TRPM3: variants seen among roughly 807,000 people sequenced by gnomAD.
TRPM3 encodes the protein transient receptor potential cation channel subfamily M member 3.
In TRPM3, 77 loss-of-function variants were observed where a neutral mutation model predicts 181.2. The ratio of observed to expected loss-of-function variants is 0.42; its 90% CI spans 0.35 to 0.51. TRPM3 has a LOEUF of 0.51. Ranked by LOEUF, TRPM3 falls within the 20% of genes least tolerant of loss-of-function variation. The pLI, the probability that TRPM3 is intolerant of heterozygous loss-of-function variation, is 0.01. For synonymous variants in TRPM3, 745 were observed against 796.4 expected (o/e 0.94, Z 1.09); for missense variants, 1,759 against 2,196.7 (o/e 0.80, Z 3.98).
At chr9:71,368,659 G>A (rs1054163471) in intron 1 of TRPM3, among the ~76,000 whole-genome samples, 1 of 152,190 alleles carries the variant, frequency 6.6e-6, no homozygotes, top group Non-Finnish European at 1.5e-5. Context: ...CAGCTTTAAT[G>A]ATTTACTAGT....
chr9:71,061,838 C>T (rs1228361938), intron 1 of TRPM3, among the ~76,000 whole-genome samples: 1 of 152,002 alleles, frequency 6.6e-6, no homozygotes, highest in Non-Finnish European at 1.5e-5. Context: ...TGTAATAAAC[C>T]TCAGCCATGA....
At chr9:71,342,693 C>A (rs915485200) in intron 1 of TRPM3, among the ~76,000 whole-genome samples, 1 of 152,050 alleles carries the variant, frequency 6.6e-6, no homozygotes. Flanking sequence ...ACTATAAGAT[C>A]CAGCAACTAT....
At chr9:71,096,168 C>A (rs1043571069) in intron 1 of TRPM3, among the ~76,000 whole-genome samples, 5 of 151,318 alleles carry the variant, frequency 3.3e-5, no homozygotes, top group African/African-American at 1.2e-4. Flanking sequence ...TTAAAATAGA[C>A]CAGTGATCAG....
chr9:71,407,300 G>T (rs1016296587), intron 1 of TRPM3, among the ~76,000 whole-genome samples: 2 of 152,118 alleles, frequency 1.3e-5, no homozygotes, highest in Non-Finnish European at 1.5e-5. Context: ...AAGTACAAGG[G>T]GTTGGGGAAT....
chr9:70,789,136 A>G (rs929725023), intron 6 of TRPM3, among the ~76,000 whole-genome samples: 1 of 152,186 alleles, frequency 6.6e-6, no homozygotes, highest in African/African-American at 2.4e-5. Context: ...AAAAAACTCT[A>G]GCAAGATTCA....
chr9:71,091,978 A>G (rs545997850), intron 1 of TRPM3, among the ~76,000 whole-genome samples: 5 of 152,248 alleles, frequency 3.3e-5, no homozygotes, highest in African/African-American at 1.2e-4. Context: ...TTATCTTTGT[A>G]TCTGTATCAC....
intron 22 of TRPM3, among the ~76,000 whole-genome samples, chr9:70,579,772 T>G (rs1325555238): frequency 6.6e-6 from 1 of 152,212 alleles, no homozygotes; most frequent in Non-Finnish European, 1.5e-5. Flanking sequence ...GGAGGCAAAC[T>G]GGGCATCTGC....
At chr9:70,803,141 G>A (rs2131265627) in intron 6 of TRPM3, among the ~76,000 whole-genome samples, 1 of 150,834 alleles carries the variant, frequency 6.6e-6, no homozygotes, top group Admixed American at 6.6e-5. Context: ...GGGAGCAGAT[G>A]AGATGCGGAA....
At chr9:71,208,978 A>G (rs2079302124) in intron 1 of TRPM3, among the ~76,000 whole-genome samples, 1 of 152,190 alleles carries the variant, frequency 6.6e-6, no homozygotes, top group Non-Finnish European at 1.5e-5. Flanking sequence ...TTTACTTGTG[A>G]TGAACTTAAG....
At chr9:70,972,819 C>A (rs1418549468) in intron 1 of TRPM3, among the ~76,000 whole-genome samples, 1 of 151,990 alleles carries the variant, frequency 6.6e-6, no homozygotes, top group Non-Finnish European at 1.5e-5. Context: ...GGTTAGTGCC[C>A]ACTTTGATCC....
intron 1 of TRPM3, among the ~76,000 whole-genome samples, chr9:71,326,081 C>A (rs1300883649): frequency 6.6e-6 from 1 of 152,150 alleles, no homozygotes; most frequent in Non-Finnish European, 1.5e-5. Context: ...TTGCCCATGT[C>A]AGAAAATATT....
chr9:70,968,700 G>A (rs1196601081), intron 1 of TRPM3, among the ~76,000 whole-genome samples: 4 of 152,084 alleles, frequency 2.6e-5, no homozygotes, highest in South Asian at 2.1e-4. Flanking sequence ...TGTCGGGGCT[G>A]TGATAAGTTC....
At position 71,112,539 on chromosome 9, in the gene TRPM3, G is replaced by T. The variant is rs2071354440; in HGVS notation, c.177+8639C>A. ...TTACCAAGACCCTATAATACCATTT[G>T]GTTCCTCTGAGTAGCAACTTCAGAA... On this transcript the variant is annotated intron_variant, in intron 1 of 25. Transcript: ENST00000677713. Among the ~76,000 whole-genome samples, 4 of 152,064 alleles carry T rather than the reference G, an allele frequency of 2.6e-5. No homozygotes were observed. The South Asian group carries it at 8.3e-4, about 32-fold the overall frequency.
chr9:71,086,401 C>T (rs1242487621), intron 1 of TRPM3, among the ~76,000 whole-genome samples: 2 of 151,832 alleles, frequency 1.3e-5, no homozygotes, highest in African/African-American at 4.8e-5. Context: ...CTCTTCTCAG[C>T]AACCTTAAAA....
At chr9:71,124,401 T>C (rs572676170), upstream of TRPM3, among the ~76,000 whole-genome samples, 2 of 152,082 alleles carry the variant, frequency 1.3e-5, no homozygotes, top group Non-Finnish European at 1.5e-5. Context: ...TGAATGTAGA[T>C]GTCTACATAT....
chr9:70,668,664 CAA>C (rs1466148469), intron 9 of TRPM3, among the ~76,000 whole-genome samples: 3 of 24,326 alleles, frequency 1.2e-4, no homozygotes, highest in Non-Finnish European at 2.4e-4. Context: ...GACTCCGTCT[CAA>C]AAAAAGAAAA....
chr9:70,958,244 G>A (rs569745950), intron 1 of TRPM3, among the ~76,000 whole-genome samples: 1 of 152,032 alleles, frequency 6.6e-6, no homozygotes, highest in Non-Finnish European at 1.5e-5. Context: ...AAGTTTGTAT[G>A]GTTCTGTGCT....
chr9:71,329,326 TA>T (rs1462752237), intron 1 of TRPM3, among the ~76,000 whole-genome samples: 1 of 152,236 alleles, frequency 6.6e-6, no homozygotes, highest in Non-Finnish European at 1.5e-5. Flanking sequence ...GTACAGTATC[TA>T]AAATGATTCC....
chr9:70,916,664 T>C (rs1410867308), intron 1 of TRPM3, among the ~76,000 whole-genome samples: 1 of 152,216 alleles, frequency 6.6e-6, no homozygotes, highest in African/African-American at 2.4e-5. Flanking sequence ...ATTTGATATA[T>C]AGTTGTATAA....
Sources: allele counts gnomAD v4.1 joint callset (sites outside exome capture counted in the v4.1 genomes callset), GRCh38; gene constraint gnomAD v4.1.1; transcripts MANE v1.5; gene names NCBI Gene and HGNC (gene_info 2026-07-23, HGNC 2026-07-21).